Variants in NKAIN2 observed in about 807,000 individuals in gnomAD.
NKAIN2 encodes the protein sodium/potassium transporting ATPase interacting 2, also known as sodium/potassium-transporting ATPase subunit beta-1-interacting protein 2.
In NKAIN2, 14 loss-of-function variants were observed where a neutral mutation model predicts 32.6. That is an observed-to-expected ratio of 0.43 (90% CI 0.28 to 0.67). The LOEUF is 0.67. Ranked by LOEUF, NKAIN2 falls within the 30% of genes least tolerant of loss-of-function variation. The probability of loss-of-function intolerance (pLI) is 0.17; values close to 1 mark genes in which losing one functional copy is unlikely to be tolerated. For missense variants in NKAIN2, 198 were observed against 258.3 expected (o/e 0.77, Z 1.60); for synonymous variants, 80 against 87.2 (o/e 0.92, Z 0.46).
chr6:123,985,023 G>A (rs1157268644), intron 1 of NKAIN2, among the ~76,000 whole-genome samples: 1 of 152,120 alleles, frequency 6.6e-6, no homozygotes, highest in Non-Finnish European at 1.5e-5. Flanking sequence ...GACCCCATCT[G>A]AAGGACTCTA....
chr6:124,383,369 A>G (rs974234046), intron 3 of NKAIN2, among the ~76,000 whole-genome samples: 1 of 152,180 alleles, frequency 6.6e-6, no homozygotes, highest in Non-Finnish European at 1.5e-5. Context: ...AGATTGTATA[A>G]GGTCACTTAC....
chr6:123,898,925 A>C (rs929714012), intron 1 of NKAIN2, among the ~76,000 whole-genome samples: 2 of 152,172 alleles, frequency 1.3e-5, no homozygotes, highest in African/African-American at 4.8e-5. Flanking sequence ...AACTGCCTTC[A>C]TAACCTCAGC....
chr6:124,495,500 C>G (rs114568568), intron 3 of NKAIN2, among the ~76,000 whole-genome samples: 1,770 of 152,050 alleles, frequency 0.012, 31 homozygotes, highest in African/African-American at 0.04. Flanking sequence ...AATGCAAACT[C>G]TCACTGAGCA....
chr6:123,804,973 G>A (rs1773154794), intron 1 of NKAIN2, among the ~76,000 whole-genome samples: 1 of 152,126 alleles, frequency 6.6e-6, no homozygotes, highest in African/African-American at 2.4e-5. Flanking sequence ...AGATACTGTT[G>A]TCTGATCCTA....
intron 1 of NKAIN2, among the ~76,000 whole-genome samples, chr6:124,124,338 G>A (rs1037728379): frequency 6.9e-6 from 1 of 145,366 alleles, no homozygotes; most frequent in Non-Finnish European, 1.5e-5. Flanking sequence ...CATTCATGAA[G>A]AGTATATAAA....
intron 4 of NKAIN2, among the ~76,000 whole-genome samples, chr6:124,716,201 A>G (rs969556223): frequency 3.9e-5 from 6 of 152,218 alleles, no homozygotes; most frequent in Non-Finnish European, 5.9e-5. Flanking sequence ...CGTAATTTTT[A>G]GATAATAGAC....
chr6:124,062,396 C>G (rs1286184989), intron 1 of NKAIN2, among the ~76,000 whole-genome samples: 1 of 152,046 alleles, frequency 6.6e-6, no homozygotes, highest in African/African-American at 2.4e-5. Context: ...GAATAGAGTT[C>G]CAGGAATAGC....
chr6:124,033,801 T>C (rs1781499849), intron 1 of NKAIN2, among the ~76,000 whole-genome samples: 1 of 152,128 alleles, frequency 6.6e-6, no homozygotes, highest in Admixed American at 6.6e-5. Context: ...ATTGCTACTT[T>C]TGATTTTCTA....
At chr6:124,154,001 T>G (rs963005570) in intron 1 of NKAIN2, among the ~76,000 whole-genome samples, 2 of 151,332 alleles carry the variant, frequency 1.3e-5, no homozygotes, top group African/African-American at 4.8e-5. Flanking sequence ...ATTCTAAGAG[T>G]CTTTAGCATG....
intron 3 of NKAIN2, among the ~76,000 whole-genome samples, chr6:124,564,025 A>C (rs1780805419): frequency 6.6e-6 from 1 of 152,172 alleles, no homozygotes; most frequent in Non-Finnish European, 1.5e-5. Flanking sequence ...AAGATCACTC[A>C]GTTTCATCTA....
chr6:124,641,703 C>T (rs1784001111), intron 3 of NKAIN2, among the ~76,000 whole-genome samples: 1 of 151,528 alleles, frequency 6.6e-6, no homozygotes, highest in African/African-American at 2.4e-5. Context: ...AGGTGTGCAC[C>T]ACCATGCCAG....
intron 1 of NKAIN2, among the ~76,000 whole-genome samples, chr6:123,975,110 A>C (rs1420570768): frequency 6.6e-6 from 1 of 152,194 alleles, no homozygotes; most frequent in African/African-American, 2.4e-5. Context: ...CCAACAACCC[A>C]TTTTATGTAA....
intron 4 of NKAIN2, among the ~76,000 whole-genome samples, chr6:124,761,045 T>C (rs1487201593): frequency 2.6e-5 from 4 of 152,188 alleles, no homozygotes; most frequent in Non-Finnish European, 5.9e-5. Flanking sequence ...CTCTCATGTC[T>C]GCATCATCAG....
At position 123,974,844 on chromosome 6, in the gene NKAIN2, C is replaced by T. The variant is rs114840984; in HGVS notation, c.54+170590C>T. ...GAGAAGACTAAATTTGTTGTCTGCA[C>T]AACTCTTATTAACATTTTGTCTTGC... On this transcript the variant is annotated intron_variant, in intron 1 of 6. Transcript: ENST00000368417. Among the ~76,000 whole-genome samples, 1,122 of 152,216 alleles carry T rather than the reference C, an allele frequency of 7.4e-3. 13 individuals are homozygous for T. The highest frequency in any genetic ancestry group is 0.025 in the African/African-American group (1,057 of 41,542).
At chr6:124,477,114 C>G (rs775768858) in intron 3 of NKAIN2, among the ~76,000 whole-genome samples, 1 of 152,096 alleles carries the variant, frequency 6.6e-6, no homozygotes, top group Non-Finnish European at 1.5e-5. Context: ...TAAAATGCAT[C>G]GCATCTCTTA....
At chr6:124,564,308 ACT>A (rs1312517079) in intron 3 of NKAIN2, among the ~76,000 whole-genome samples, 3 of 152,086 alleles carry the variant, frequency 2.0e-5, no homozygotes. Flanking sequence ...ACCAATCAGC[ACT>A]CTGTGTCTAG....
chr6:124,208,633 A>T (rs1047480945), intron 1 of NKAIN2, among the ~76,000 whole-genome samples: 1 of 151,502 alleles, frequency 6.6e-6, no homozygotes, highest in Non-Finnish European at 1.5e-5. Flanking sequence ...TTTATATAAA[A>T]TATACTATAT....
At chr6:124,102,110 G>A (rs1334044729) in intron 1 of NKAIN2, among the ~76,000 whole-genome samples, 4 of 152,224 alleles carry the variant, frequency 2.6e-5, no homozygotes, top group Admixed American at 6.5e-5. Flanking sequence ...CCTGAGAGGA[G>A]GGTAGTGGTG....
intron 3 of NKAIN2, among the ~76,000 whole-genome samples, chr6:124,383,455 G>A (rs1214549855): frequency 6.6e-6 from 1 of 152,056 alleles, no homozygotes; most frequent in Non-Finnish European, 1.5e-5. Flanking sequence ...ATAAGGCCTG[G>A]CACAATTGAC....
Sources: gnomAD v4.1 joint callset for allele counts (sites outside exome capture counted in the v4.1 genomes callset) on GRCh38, gnomAD v4.1.1 for gene constraint, MANE v1.5 for transcripts, NCBI Gene and HGNC (gene_info 2026-07-23, HGNC 2026-07-21) for gene names.